Variants in EFNA5 observed in about 807,000 individuals in gnomAD.
The protein encoded by EFNA5 is ephrin-A5.
Under a neutral mutation model 22.9 loss-of-function variants are expected in EFNA5, and 5 were observed. The observed-to-expected ratio is 0.22, with a 90% CI of 0.11 to 0.46. EFNA5 has a LOEUF of 0.46. Ranked by LOEUF, EFNA5 falls within the 20% of genes least tolerant of loss-of-function variation. EFNA5 has a pLI of 0.99. For synonymous variants in EFNA5, 113 were observed against 112.2 expected (o/e 1.01, Z -0.04); for missense variants, 237 against 293.3 (o/e 0.81, Z 1.40).
intron 1 of EFNA5, among the ~76,000 whole-genome samples, chr5:107,473,936 G>C (rs1371958795): frequency 6.6e-6 from 1 of 152,132 alleles, no homozygotes; most frequent in East Asian, 1.9e-4. Flanking sequence ...TGGGATTACA[G>C]GCATGAGCCA....
At chr5:107,491,961 A>T (rs946016068) in intron 1 of EFNA5, among the ~76,000 whole-genome samples, 1 of 152,120 alleles carries the variant, frequency 6.6e-6, no homozygotes, top group African/African-American at 2.4e-5. Flanking sequence ...CAGCCTCCCG[A>T]GTAGCTGGGA....
At chr5:107,454,131 A>G (rs778306905) in intron 1 of EFNA5, among the ~76,000 whole-genome samples, 2 of 152,180 alleles carry the variant, frequency 1.3e-5, no homozygotes, top group African/African-American at 2.4e-5. Flanking sequence ...CTTTTATACA[A>G]TCTAAAGGAA....
intron 1 of EFNA5, among the ~76,000 whole-genome samples, chr5:107,595,179 G>C (rs1192409323): frequency 6.6e-6 from 1 of 151,938 alleles, no homozygotes; most frequent in African/African-American, 2.4e-5. Context: ...GGGTCGGTTT[G>C]AGAATATGGT....
chr5:107,485,086 G>C (rs1386066423), intron 1 of EFNA5, among the ~76,000 whole-genome samples: 1 of 151,692 alleles, frequency 6.6e-6, no homozygotes, highest in East Asian at 1.9e-4. Context: ...TTTAAAAAAA[G>C]AAAAAAGGTA....
At chr5:107,426,223 T>A (rs1748806862) in intron 2 of EFNA5, among the ~76,000 whole-genome samples, 1 of 152,244 alleles carries the variant, frequency 6.6e-6, no homozygotes, top group Non-Finnish European at 1.5e-5. Context: ...AGTAAACTTT[T>A]AACCTCTTCA....
chr5:107,574,556 TC>T (rs71624879), intron 1 of EFNA5, among the ~76,000 whole-genome samples: 2 of 152,132 alleles, frequency 1.3e-5, no homozygotes, highest in Non-Finnish European at 2.9e-5. Context: ...AAGATTTTTT[TC>T]CCCCCATGGA....
chr5:107,554,407 AAAG>A (rs1337419428), intron 1 of EFNA5, among the ~76,000 whole-genome samples: 1 of 152,150 alleles, frequency 6.6e-6, no homozygotes, highest in East Asian at 1.9e-4. Flanking sequence ...GCCCCAAATA[AAAG>A]AAGTATTACT....
intron 1 of EFNA5, among the ~76,000 whole-genome samples, chr5:107,529,191 T>C (rs1410649582): frequency 6.6e-6 from 1 of 152,304 alleles, no homozygotes; most frequent in African/African-American, 2.4e-5. Context: ...GGTAGATAAA[T>C]GGTTGCTATG....
chr5:107,396,941 C>A (rs1747942368), intron 2 of EFNA5, among the ~76,000 whole-genome samples: 1 of 152,134 alleles, frequency 6.6e-6, no homozygotes, highest in African/African-American at 2.4e-5. Context: ...GGTGTTGAGA[C>A]TGCTTTTGCA....
intron 1 of EFNA5, among the ~76,000 whole-genome samples, chr5:107,603,382 G>A (rs1464025260): frequency 6.6e-6 from 1 of 152,136 alleles, no homozygotes. Context: ...TATAAATTTA[G>A]AGGCTTTTCT....
At chr5:107,517,371 C>T (rs1004070066) in intron 1 of EFNA5, among the ~76,000 whole-genome samples, 9 of 152,108 alleles carry the variant, frequency 5.9e-5, no homozygotes, top group African/African-American at 1.9e-4. Context: ...TACTGAACTC[C>T]GGGCCAGACT....
chr5:107,389,846 C>A (rs1747736508), intron 2 of EFNA5, among the ~76,000 whole-genome samples: 1 of 152,296 alleles, frequency 6.6e-6, no homozygotes, highest in African/African-American at 2.4e-5. Flanking sequence ...TTAAATGACA[C>A]ATAAAATAAA....
chr5:107,630,515 G>C (rs1750228220), intron 1 of EFNA5, among the ~76,000 whole-genome samples: 1 of 151,614 alleles, frequency 6.6e-6, no homozygotes, highest in Non-Finnish European at 1.5e-5. Flanking sequence ...ATTAAAAAAT[G>C]GTACACCTAT....
intron 1 of EFNA5, among the ~76,000 whole-genome samples, chr5:107,489,730 T>C (rs1414867861): frequency 6.6e-6 from 1 of 151,910 alleles, no homozygotes; most frequent in Non-Finnish European, 1.5e-5. Context: ...TTCATATCAT[T>C]TATTTGTGGC....
chr5:107,556,074 G>T (rs372505281), intron 1 of EFNA5, among the ~76,000 whole-genome samples: 3 of 152,104 alleles, frequency 2.0e-5, no homozygotes, highest in Non-Finnish European at 2.9e-5. Context: ...ACTACTTACC[G>T]TCTATTTGGT....
intron 1 of EFNA5, among the ~76,000 whole-genome samples, chr5:107,537,586 C>A (rs1018120148): frequency 6.6e-6 from 1 of 152,114 alleles, no homozygotes; most frequent in Non-Finnish European, 1.5e-5. Context: ...GCCACAAGAG[C>A]GAAACTCCTT....
intron 4 of EFNA5, among the ~76,000 whole-genome samples, chr5:107,386,374 C>T (rs1282318767): frequency 6.6e-6 from 1 of 152,016 alleles, no homozygotes. Context: ...TAGAGGGCGA[C>T]CACTCCTCTC....
At chr5:107,650,107 T>G (rs986517186) in intron 1 of EFNA5, among the ~76,000 whole-genome samples, 6 of 152,150 alleles carry the variant, frequency 3.9e-5, no homozygotes, top group African/African-American at 1.4e-4. Flanking sequence ...AACTATAGTA[T>G]AACTCATATA....
chr5:107,388,162 C>T (rs1039359186), intron 2 of EFNA5, among the ~76,000 whole-genome samples: 1 of 152,158 alleles, frequency 6.6e-6, no homozygotes, highest in Non-Finnish European at 1.5e-5. Flanking sequence ...GGAAAAGGGG[C>T]CCAACAGAGG....
Sources: allele counts gnomAD v4.1 joint callset (sites outside exome capture counted in the v4.1 genomes callset), GRCh38; gene constraint gnomAD v4.1.1; transcripts MANE v1.5; gene names NCBI Gene and HGNC (gene_info 2026-07-23, HGNC 2026-07-21).